The following DMD variants were observed in gnomAD, a reference collection of about 807,000 sequenced individuals.
The protein encoded by DMD is dystrophin.
DMD carries 63 observed loss-of-function variants against 330.1 expected under a neutral mutation model. That is an observed-to-expected ratio of 0.19 (90% confidence interval 0.16 to 0.24). DMD has a LOEUF of 0.24. Among genes scored for constraint, DMD ranks in the 10% least tolerant of loss-of-function variants. The pLI is 1.00. For missense variants in DMD, 3,344 were observed against 2,684.1 expected (o/e 1.25, Z -5.43); for synonymous variants, 1,223 against 959.8 (o/e 1.27, Z -5.07).
chrX:33,061,982 C>T (rs764017499), intron 1 of DMD, among the ~76,000 whole-genome samples: 2 of 111,989 alleles, frequency 1.8e-5, no homozygotes, highest in Admixed American at 9.5e-5. Flanking sequence ...AAAAATTATT[C>T]GCTACACTTG....
intron 44 of DMD, among the ~76,000 whole-genome samples, chrX:32,071,979 T>C (rs2096303350): frequency 8.9e-6 from 1 of 112,188 alleles, no homozygotes; most frequent in Non-Finnish European, 1.9e-5. Context: ...TGTTGGCATT[T>C]ATCAGAATTA....
At chrX:32,079,173 C>A (rs2096373879) in intron 44 of DMD, among the ~76,000 whole-genome samples, 1 of 112,050 alleles carries the variant, frequency 8.9e-6, no homozygotes, top group African/African-American at 3.2e-5. Flanking sequence ...TCTTTTGTCA[C>A]TCTAACTTTG....
chrX:33,320,862 T>A (rs1388464686), intron 1 of DMD, among the ~76,000 whole-genome samples: 1 of 112,416 alleles, frequency 8.9e-6, no homozygotes, highest in Non-Finnish European at 1.9e-5. Flanking sequence ...ATCTCAACAA[T>A]GTTCTCAGCA....
chrX:31,541,970 G>T (rs776482411), intron 55 of DMD, among the ~76,000 whole-genome samples: 1 of 111,641 alleles, frequency 9.0e-6, no homozygotes, highest in East Asian at 2.8e-4. Flanking sequence ...ATATATCAGG[G>T]TCAATAAAAT....
chrX:32,847,743 G>A (rs1228610008), intron 3 of DMD, among the ~76,000 whole-genome samples: 1 of 111,923 alleles, frequency 8.9e-6, no homozygotes, highest in African/African-American at 3.2e-5. Context: ...CCTACCACTA[G>A]CTTACCTTAT....
At chrX:31,603,600 C>T (rs898541159) in intron 55 of DMD, among the ~76,000 whole-genome samples, 3 of 112,021 alleles carry the variant, frequency 2.7e-5, no homozygotes, top group Non-Finnish European at 5.6e-5. Flanking sequence ...ATGCTAATGA[C>T]TGTGAATTCT....
intron 44 of DMD, among the ~76,000 whole-genome samples, chrX:32,014,450 G>C (rs1338490211): frequency 9.0e-6 from 1 of 111,279 alleles, no homozygotes; most frequent in Non-Finnish European, 1.9e-5. Flanking sequence ...ACCAAATCAA[G>C]TACGTGAGAC....
At chrX:33,008,341 G>C (rs1472396992) in intron 2 of DMD, among the ~76,000 whole-genome samples, 1 of 111,060 alleles carries the variant, frequency 9.0e-6, no homozygotes, top group Non-Finnish European at 1.9e-5. Flanking sequence ...TGTCAGAGTA[G>C]ATCTTAATTC....
chrX:31,982,274 C>T (rs1360848410), intron 44 of DMD, among the ~76,000 whole-genome samples: 1 of 111,878 alleles, frequency 8.9e-6, no homozygotes, highest in Middle Eastern at 4.2e-3. Context: ...AGCAGCATGA[C>T]ATCCAGTTGC....
chrX:32,593,692 T>C (rs144099571), intron 13 of DMD, among the ~76,000 whole-genome samples: 1,706 of 112,161 alleles, frequency 0.015, 32 homozygotes, highest in African/African-American at 0.053. Context: ...CGAGTACTTG[T>C]TGAAAAAAAT....
chrX:32,737,141 G>T (rs765907745), intron 7 of DMD, among the ~76,000 whole-genome samples: 6 of 108,432 alleles, frequency 5.5e-5, no homozygotes, highest in African/African-American at 1.7e-4. Flanking sequence ...AACAACAAAA[G>T]GGGGGGGACA....
At chrX:32,278,386 T>C (rs2148397552) in intron 43 of DMD, among the ~76,000 whole-genome samples, 1 of 111,077 alleles carries the variant, frequency 9.0e-6, no homozygotes, top group South Asian at 3.8e-4. Flanking sequence ...GTGATAAATA[T>C]TGATGCAAAA....
At chrX:32,725,908 T>C (rs1274858751) in intron 7 of DMD, among the ~76,000 whole-genome samples, 2 of 111,242 alleles carry the variant, frequency 1.8e-5, no homozygotes, top group African/African-American at 6.5e-5. Context: ...TATTATTTAC[T>C]GCATGCCTTT....
At chrX:32,780,877 G>T (rs1336762095) in intron 7 of DMD, among the ~76,000 whole-genome samples, 1 of 108,861 alleles carries the variant, frequency 9.2e-6, no homozygotes, top group African/African-American at 3.3e-5. Flanking sequence ...AGATCACGAG[G>T]TCAGGAGATC....
chrX:31,497,995 A>G (rs1448658213), intron 56 of DMD, among the ~76,000 whole-genome samples: 1 of 112,481 alleles, frequency 8.9e-6, no homozygotes, highest in African/African-American at 3.2e-5. Flanking sequence ...TTAGCTTGAC[A>G]TTACAAATAC....
intron 59 of DMD, among the ~76,000 whole-genome samples, chrX:31,466,990 C>T (rs1486032047): frequency 8.9e-6 from 1 of 111,832 alleles, no homozygotes; most frequent in East Asian, 2.8e-4. Context: ...TATAGGAATG[C>T]TTACTATTTT....
intron 41 of DMD, among the ~76,000 whole-genome samples, chrX:32,316,421 A>G (rs1239503498): frequency 9.0e-6 from 1 of 111,308 alleles, no homozygotes; most frequent in Non-Finnish European, 1.9e-5. Flanking sequence ...TATACGTTAT[A>G]AAGTCTAAAA....
intron 55 of DMD, among the ~76,000 whole-genome samples, chrX:31,600,474 G>C (rs1447288581): frequency 9.5e-6 from 1 of 105,047 alleles, no homozygotes; most frequent in Non-Finnish European, 1.9e-5. Context: ...CTTATATCAT[G>C]CAAGAAAATA....
chrX:31,126,553 G>GCA, intron 78 of DMD, 89 bp downstream of exon 78: 4 of 792,925 alleles, frequency 5.0e-6, no homozygotes, highest in South Asian at 4.2e-5. Context: ...ACATGCGCGT[G>GCA]CACACACACA....
Sources: gnomAD v4.1 joint callset for allele counts (sites outside exome capture counted in the v4.1 genomes callset) on GRCh38, gnomAD v4.1.1 for gene constraint, MANE v1.5 for transcripts, NCBI Gene and HGNC (gene_info 2026-07-23, HGNC 2026-07-21) for gene names.